Variants in OR2L3 observed in about 807,000 individuals in gnomAD.
OR2L3 encodes the protein olfactory receptor family 2 subfamily L member 3.
For synonymous variants in OR2L3, 131 were observed against 139.1 expected (o/e 0.94, Z 0.41); for missense variants, 369 against 376.6 (o/e 0.98, Z 0.17).
intron 1 of OR2L3, among the ~76,000 whole-genome samples, chr1:248,054,424 C>A (rs1255610019): frequency 6.6e-6 from 1 of 151,414 alleles, no homozygotes; most frequent in Non-Finnish European, 1.5e-5. Flanking sequence ...GCTATGCAAG[C>A]TCTTTTTTGG....
chr1:248,050,685 A>G (rs1663236621), intron 1 of OR2L3, among the ~76,000 whole-genome samples: 1 of 152,206 alleles, frequency 6.6e-6, no homozygotes, highest in South Asian at 2.1e-4. Flanking sequence ...TATGTAAAAC[A>G]CAAATGATAC....
intron 1 of OR2L3, among the ~76,000 whole-genome samples, chr1:248,055,264 C>T (rs1663397108): frequency 6.6e-6 from 1 of 152,156 alleles, no homozygotes; most frequent in Non-Finnish European, 1.5e-5. Flanking sequence ...TATGTACAAC[C>T]AGCTTGCATC....
At chr1:248,054,668 G>A (rs751209490) in intron 1 of OR2L3, among the ~76,000 whole-genome samples, 8 of 152,058 alleles carry the variant, frequency 5.3e-5, no homozygotes, top group Non-Finnish European at 1.0e-4. Context: ...TCCCTTATTA[G>A]CTGTATTCCC....
At chr1:248,054,637 T>C (rs1663374663) in intron 1 of OR2L3, among the ~76,000 whole-genome samples, 1 of 152,198 alleles carries the variant, frequency 6.6e-6, no homozygotes, top group South Asian at 2.1e-4. Context: ...TTTGTAGTTC[T>C]CTTTGAATAG....
intron 1 of OR2L3, among the ~76,000 whole-genome samples, chr1:248,047,435 G>A (rs189932575): frequency 4.7e-4 from 72 of 152,222 alleles, no homozygotes; most frequent in Middle Eastern, 3.4e-3. Flanking sequence ...AAGGTACAAC[G>A]AGAATGGTTA....
At position 248,060,905 on chromosome 1, in the gene OR2L3, C is replaced by A. The variant is rs1277520104; in HGVS notation, c.224C>A (p.Thr75Asn). 6.2e-7 allele frequency: 1 copy of A among 1,613,806 alleles called. No individual in the cohort carries two copies. The highest frequency in any genetic ancestry group is 8.5e-7 in the Non-Finnish European group (1 of 1,179,862). ...CTCATTGACCTAAATTACATCTCCA[C>A]CATTGTTCCTAAGATGGCATCTGAT... Reference protein sequence around the residue: ...LSLIDLNYISTIVPKMASDFL... With the variant: ...LSLIDLNYISNIVPKMASDFL... Residue 75 changes from threonine to asparagine, a missense_variant, in exon 2 of 2, where the codon ACC (threonine) becomes AAC (asparagine). Physicochemically the swap from Thr to Asn is moderately conservative, Grantham distance 65 (BLOSUM62 0). Transcript: ENST00000359959.
Position 248,061,436 on chromosome 1 carries a change from C to T in OR2L3, c.755C>T (p.Ala252Val), listed in dbSNP as rs759744233. 2.5e-6 allele frequency: 4 copies of T among 1,614,110 alleles called. No homozygotes were observed. The highest frequency in any genetic ancestry group is 3.3e-5 in the Admixed American group (2 of 60,002). The change falls in exon 2 of 2, where the codon GCA becomes GTA. Residue 252 changes from alanine (A) to valine (V), a missense_variant. Coordinates refer to ENST00000359959, the MANE Select transcript of OR2L3 (RefSeq NM_001004687.2). ...THLTVVTFYY[A>V]PFVYTYLRPR... ...CTCACTGTAGTAACTTTCTACTATGCACCTTTTGTCTACACTTATCTACGT... is the reference window on the plus strand; with the variant it reads ...CTCACTGTAGTAACTTTCTACTATGTACCTTTTGTCTACACTTATCTACGT...
chr1:248,048,930 T>C (rs1663170714), intron 1 of OR2L3, among the ~76,000 whole-genome samples: 1 of 151,760 alleles, frequency 6.6e-6, no homozygotes, highest in Non-Finnish European at 1.5e-5. Context: ...TCTCTTTTTT[T>C]TTTTTTTGGT....
chr1:248,052,572 CA>C (rs567666101), intron 1 of OR2L3, among the ~76,000 whole-genome samples: 2 of 150,814 alleles, frequency 1.3e-5, no homozygotes, highest in Non-Finnish European at 3.0e-5. Flanking sequence ...ACTAAAAATA[CA>C]AAAAAAAATT....
rs554916959 is a variant in OR2L3, at chr1:248,061,576, G to A, written c.895G>A (p.Ala299Thr). The part of the protein sequence containing the change: ...YSLRNKEVMG[A>T]LTRVSQRICS... Reference sequence around the variant, plus strand: ...CCTGAGGAACAAGGAGGTGATGGGGGCCCTGACACGAGTGAGTCAGAGAAT... The same window carrying A: ...CCTGAGGAACAAGGAGGTGATGGGGACCCTGACACGAGTGAGTCAGAGAAT... Residue 299 changes from alanine (A) to threonine (T), a missense_variant, in exon 2 of 2, where the codon GCC becomes ACC. Ala to Thr is a moderately conservative substitution (Grantham distance 58). Transcript: ENST00000359959. 3.7e-6 allele frequency: 6 copies of A among 1,613,322 alleles called. No individual in the cohort carries two copies. The East Asian group carries it at 1.3e-4, about 36-fold the overall frequency.
chr1:248,047,561 GT>G (rs2103106302), intron 1 of OR2L3, among the ~76,000 whole-genome samples: 1 of 152,204 alleles, frequency 6.6e-6, no homozygotes, highest in East Asian at 1.9e-4. Flanking sequence ...TCCAGATTTT[GT>G]TTTTACACGC....
rs1208493995 is a variant in OR2L3, at chr1:248,046,876, T to C, written c.-26T>C. 6.6e-6 allele frequency: 1 copy of C among 152,176 alleles called. No individual in the cohort carries two copies. The highest frequency in any genetic ancestry group is 2.4e-5 in the African/African-American group (1 of 41,448). 9.4% of individuals were successfully genotyped at this position (152,176 alleles called of 1,614,324 possible). ...TGAGTGTTTGGAAATGAGGAAATAATAAAGGTACTAATTATAATTGTATTT... is the reference window on the plus strand; with the variant it reads ...TGAGTGTTTGGAAATGAGGAAATAACAAAGGTACTAATTATAATTGTATTT... On this transcript the variant is annotated 5_prime_UTR_variant, in exon 1 of 2. Transcript: ENST00000359959.
intron 1 of OR2L3, among the ~76,000 whole-genome samples, chr1:248,059,834 A>G (rs561800606): frequency 3.9e-5 from 6 of 152,304 alleles, no homozygotes. Context: ...GGTGAGGCCA[A>G]GAGTTCAAAA....
rs937474674 is a variant in OR2L3 at position 248,048,924 on chromosome 1, T to TC, written c.-22+2044_-22+2045insC. On this transcript the variant is annotated intron_variant, in intron 1 of 1. Transcript: ENST00000359959. ...CTTTTTCTTTCCTTTTCTCTCTCTCTTTTTTTTTTTTTTGGTAAATCCACA... is the reference window on the plus strand; with the variant it reads ...CTTTTTCTTTCCTTTTCTCTCTCTCTCTTTTTTTTTTTTTGGTAAATCCACA... Among the ~76,000 whole-genome samples the TC allele has an allele frequency of 5.0e-4, 43 of 85,408 alleles. 1 individual carries two copies. Among genetic ancestry groups the TC allele is most frequent in the Non-Finnish European group, 4.4e-4 (20 of 45,892 alleles). 56.0% of individuals were successfully genotyped at this position (85,408 alleles called of 152,430 possible). A position where few individuals can be genotyped will look rare whatever the true frequency, so the allele number is the denominator to read the frequency against.
rs541866396 is a variant in OR2L3, at chr1:248,059,069, T to A, written c.-21-1592T>A. 1.3e-4 allele frequency among the ~76,000 whole-genome samples: 20 copies of A among 152,244 alleles called. No individual in the cohort carries two copies. The South Asian group carries it at 1.9e-3, about 14-fold the overall frequency. ...ACATCTCTGAAGATATGAATTCTGA[T>A]CACAACAATTCATTCTTTCTGCATT... is the stretch of plus-strand genomic sequence containing the variant. On this transcript the variant is annotated intron_variant, in intron 1 of 1. Coordinates refer to ENST00000359959, the MANE Select transcript of OR2L3 (RefSeq NM_001004687.2).
At position 248,061,169 on chromosome 1, in the gene OR2L3, T is replaced by G. The variant is rs1558204008; in HGVS notation, c.488T>G (p.Leu163Arg). ...INACAHTVYV[L>R]HIPYCQSRAI... ...GCTTGTGCTCACACTGTATATGTAC[T>G]CCATATTCCTTATTGCCAATCCAGG... The change falls in exon 2 of 2, where the codon CTC (leucine) becomes CGC (arginine). Residue 163 changes from leucine (L) to arginine (R), a missense_variant. Transcript: ENST00000359959. 5 of 1,613,024 alleles carry G rather than the reference T, an allele frequency of 3.1e-6. No individual in the cohort carries two copies. The highest frequency in any genetic ancestry group is 4.2e-6 in the Non-Finnish European group (5 of 1,179,584).
rs761545937 is a variant in OR2L3, at chr1:248,061,518, C to A, written c.837C>A (p.Thr279=). The A allele has an allele frequency of 3.7e-6, 6 of 1,613,754 alleles. No homozygotes were observed. In the East Asian group the frequency reaches 1.1e-4, roughly 30 times the overall value. ...EDKVLAVFYT[T]LTPMLNPIIY... is the part of the protein sequence containing the mutation. ...AGGTTCTGGCTGTCTTCTACACCAC[C>A]CTCACTCCAATGCTCAACCCCATCA... The change falls in exon 2 of 2, where the codon ACC becomes ACA. Residue 279 remains threonine (T), a synonymous_variant. Transcript: ENST00000359959.
rs555134904 is a variant in OR2L3, at chr1:248,060,386, A to G, written c.-21-275A>G. On this transcript the variant is annotated intron_variant, in intron 1 of 1. Transcript: ENST00000359959. ...CAAAGAAGGCTGAGTACAATAAAAC[A>G]TTTTGAGAGAGAAAGATAGAGACCA... Among the ~76,000 whole-genome samples the G allele has an allele frequency of 2.2e-4, 33 of 152,330 alleles. No homozygotes were observed. The South Asian group carries it at 5.4e-3, about 25-fold the overall frequency.
At chr1:248,059,312 G>C (rs533450832) in intron 1 of OR2L3, among the ~76,000 whole-genome samples, 14 of 152,298 alleles carry the variant, frequency 9.2e-5, no homozygotes, top group African/African-American at 3.4e-4. Flanking sequence ...TCTATCTGGA[G>C]TAGAGTTTCT....
Sources: allele counts gnomAD v4.1 joint callset (sites outside exome capture counted in the v4.1 genomes callset), GRCh38; gene constraint gnomAD v4.1.1; transcripts MANE v1.5; gene names NCBI Gene and HGNC (gene_info 2026-07-23, HGNC 2026-07-21).